The following TCF12 variants were observed in gnomAD, a reference collection of about 807,000 sequenced individuals.
TCF12 encodes DNA-binding protein HTF4.
In TCF12, 45 loss-of-function variants were observed where a neutral mutation model predicts 86.0. The observed-to-expected ratio is 0.52, with a 90% CI of 0.41 to 0.67. The LOEUF is 0.67. Among genes scored for constraint, TCF12 ranks in the 30% least tolerant of loss-of-function variants. The pLI is 0.00. For missense variants in TCF12, 881 were observed against 859.9 expected, an observed-to-expected ratio of 1.02 and a Z score of -0.31; for synonymous variants, 330 against 299.6, an observed-to-expected ratio of 1.10 and a Z score of -1.05.
chr15:57,188,021 C>G (rs907340050), intron 6 of TCF12, among the ~76,000 whole-genome samples: 7 of 152,034 alleles, frequency 4.6e-5, no homozygotes, highest in Non-Finnish European at 4.4e-5. Flanking sequence ...AAACTATCCT[C>G]ATTTGCAGAC....
At chr15:57,045,324 T>C (rs2067160953) in intron 3 of TCF12, among the ~76,000 whole-genome samples, 1 of 152,194 alleles carries the variant, frequency 6.6e-6, no homozygotes, top group East Asian at 1.9e-4. Context: ...CCCCATAAGA[T>C]GAATACTGTT....
chr15:57,248,839 G>C (rs2059979718), intron 13 of TCF12, among the ~76,000 whole-genome samples: 1 of 152,106 alleles, frequency 6.6e-6, no homozygotes, highest in African/African-American at 2.4e-5. Flanking sequence ...TGATTACCCA[G>C]GTAATTCAGT....
chr15:57,186,142 A>C (rs1194078965), intron 6 of TCF12, among the ~76,000 whole-genome samples: 1 of 152,222 alleles, frequency 6.6e-6, no homozygotes, highest in Non-Finnish European at 1.5e-5. Flanking sequence ...GAAGAAATAG[A>C]AAATCTGAAC....
intron 4 of TCF12, among the ~76,000 whole-genome samples, chr15:57,090,645 AT>A (rs1348418605): frequency 6.6e-6 from 1 of 152,144 alleles, no homozygotes; most frequent in East Asian, 1.9e-4. Flanking sequence ...GTCCTCTTAA[AT>A]GGTAGCCTGC....
At chr15:57,283,216 A>G (rs1597907307) in intron 20 of TCF12, among the ~76,000 whole-genome samples, 1 of 151,676 alleles carries the variant, frequency 6.6e-6, no homozygotes, top group South Asian at 2.1e-4. Context: ...ACTGTTCTTT[A>G]TATCTTCCTT....
intron 3 of TCF12, among the ~76,000 whole-genome samples, chr15:57,050,200 A>C (rs934242158): frequency 1.9e-4 from 29 of 152,356 alleles, no homozygotes; most frequent in African/African-American, 7.0e-4. Flanking sequence ...CATTTTAAAG[A>C]AAATAGAGGA....
intron 4 of TCF12, among the ~76,000 whole-genome samples, chr15:57,081,645 C>G (rs1260168310): frequency 6.6e-6 from 1 of 152,188 alleles, no homozygotes; most frequent in Non-Finnish European, 1.5e-5. Context: ...TCAAGCGATT[C>G]TCCTACCTCA....
intron 8 of TCF12, among the ~76,000 whole-genome samples, chr15:57,229,964 G>A (rs939926648): frequency 1.3e-5 from 2 of 151,852 alleles, no homozygotes; most frequent in East Asian, 1.9e-4. Flanking sequence ...ATCTGGGTGC[G>A]CTTCCTTAAC....
intron 4 of TCF12, among the ~76,000 whole-genome samples, chr15:57,076,789 C>G (rs561610461): frequency 6.6e-6 from 1 of 152,248 alleles, no homozygotes; most frequent in African/African-American, 2.4e-5. Flanking sequence ...AAACATTTAG[C>G]TCTTAACTTA....
intron 4 of TCF12, among the ~76,000 whole-genome samples, chr15:57,082,552 C>T (rs1050965152): frequency 4.6e-5 from 7 of 152,162 alleles, no homozygotes; most frequent in South Asian, 2.1e-4. Flanking sequence ...GCTACACTAA[C>T]GGTTAAGTGA....
chr15:57,143,161 C>CA (rs34722160), intron 5 of TCF12, among the ~76,000 whole-genome samples: 5,422 of 116,696 alleles, frequency 0.046, 290 homozygotes, highest in Admixed American at 0.17. Flanking sequence ...CCCCCCCCAC[C>CA]AAAAAAAAAA....
chr15:57,137,913 G>A (rs2151386841), intron 5 of TCF12, among the ~76,000 whole-genome samples: 1 of 152,206 alleles, frequency 6.6e-6, no homozygotes, highest in Non-Finnish European at 1.5e-5. Context: ...TGTAATCCCA[G>A]CTACTCAAGA....
At chr15:57,164,977 C>A (rs779042790) in intron 5 of TCF12, among the ~76,000 whole-genome samples, 1 of 152,116 alleles carries the variant, frequency 6.6e-6, no homozygotes, top group African/African-American at 2.4e-5. Context: ...CACTGCCCCC[C>A]ACCACAGCAA....
rs2054898001 is a variant in TCF12 at position 57,166,422 on chromosome 15, T to C, written c.346T>C (p.Ser116Pro). ...TATAGGAAAAACATCAGAGAGAGGC[T>C]CATTTTCCCTGTACAGCAGAGATAC... is the stretch of plus-strand genomic sequence containing the variant. The part of the protein sequence containing the change: ...NLMGKTSERG[S>P]FSLYSRDTGL... Residue 116 changes from serine to proline, a missense_variant, in exon 6 of 21, where the codon TCA (serine) becomes CCA (proline). By Grantham distance (74) the Ser-to-Pro change is moderately conservative. Transcript: ENST00000333725. The C allele has an allele frequency of 1.2e-6, 2 of 1,612,362 alleles. No homozygotes were observed. The highest frequency in any genetic ancestry group is 1.7e-6 in the Non-Finnish European group (2 of 1,179,438).
chr15:56,981,378 G>A (rs761662834), intron 3 of TCF12, among the ~76,000 whole-genome samples: 8 of 152,214 alleles, frequency 5.3e-5, no homozygotes, highest in Non-Finnish European at 1.0e-4. Context: ...GAGAACGGAT[G>A]TTGTGTCTTT....
rs1482825263 is a variant in TCF12, at chr15:57,251,364, C to A, written c.1129C>A (p.Pro377Thr). ...GGTTTTAACAGGTACCAGTCAGTGG[C>A]CAAGACCTGGAGGGCAAGCACCTTC... The part of the protein sequence containing the change: ...PSPLTGTSQW[P>T]RPGGQAPSSP... Residue 377 changes from proline (P) to threonine (T), a missense_variant, in exon 14 of 21, where the codon CCA becomes ACA. Coordinates refer to ENST00000333725, the MANE Select transcript of TCF12 (RefSeq NM_207037.2). The A allele has an allele frequency of 3.1e-6, 5 of 1,613,894 alleles. No individual in the cohort carries two copies. The highest frequency in any genetic ancestry group is 3.4e-6 in the Non-Finnish European group (4 of 1,179,884).
At chr15:57,263,427 A>G (rs1455729522) in intron 18 of TCF12, among the ~76,000 whole-genome samples, 153 bp downstream of exon 18, 2 of 152,192 alleles carry the variant, frequency 1.3e-5, no homozygotes, top group East Asian at 1.9e-4. Flanking sequence ...TCACCACATC[A>G]TCTCTATAAA....
At chr15:57,038,355 G>A (rs1431502681) in intron 3 of TCF12, among the ~76,000 whole-genome samples, 1 of 151,700 alleles carries the variant, frequency 6.6e-6, no homozygotes, top group Non-Finnish European at 1.5e-5. Flanking sequence ...TTGAGCCCAG[G>A]AGTTGGAGGT....
In TCF12 at chr15:56,954,934, C is replaced by T. The variant is rs146486198; in HGVS notation, c.148+33836C>T. Among the ~76,000 whole-genome samples the T allele has an allele frequency of 2.5e-3, 388 of 152,278 alleles. 1 individual carries two copies. In the East Asian group the frequency reaches 0.038, roughly 15 times the overall value. On this transcript the variant is annotated intron_variant, in intron 3 of 20. Transcript: ENST00000333725. ...TGGAGAGGATGTGGAGAAACAGGAA[C>T]GCTTTTACACTGTTGGTGGGACCGT...
Sources: gnomAD v4.1 joint callset for allele counts (sites outside exome capture counted in the v4.1 genomes callset) on GRCh38, gnomAD v4.1.1 for gene constraint, MANE v1.5 for transcripts, NCBI Gene and HGNC (gene_info 2026-07-23, HGNC 2026-07-21) for gene names.